Variants in PLD1 observed in about 807,000 individuals in gnomAD.
PLD1 encodes the protein choline phosphatase 1.
A neutral mutation model predicts 137.1 loss-of-function variants in PLD1; 112 were observed. The observed-to-expected ratio is 0.82, with a 90% CI of 0.70 to 0.96. PLD1 has a LOEUF of 0.96. Among genes scored for constraint, PLD1 ranks in the 40% least tolerant of loss-of-function variants. PLD1 has a pLI of 0.00. For missense variants in PLD1, 1,321 were observed against 1,342.0 expected (o/e 0.98, Z 0.24); for synonymous variants, 431 against 454.7 (o/e 0.95, Z 0.66).
chr3:171,757,946 A>G (rs575882804), intron 1 of PLD1, among the ~76,000 whole-genome samples: 2 of 152,314 alleles, frequency 1.3e-5, no homozygotes, highest in Admixed American at 1.3e-4. Flanking sequence ...GAGCATGTGG[A>G]CAGAAAGGGC....
At chr3:171,726,148 AG>A in intron 6 of PLD1, 72 bp from the exon 7 acceptor site, 1 of 962,828 alleles carries the variant, frequency 1.0e-6, no homozygotes, top group Non-Finnish European at 1.7e-6. Flanking sequence ...AACATGTATT[AG>A]GTATAGCTGT....
At chr3:171,688,955 C>CCAGA in intron 13 of PLD1, 79 bp from the exon 14 acceptor site, 1 of 1,021,994 alleles carries the variant, frequency 9.8e-7, no homozygotes, top group Non-Finnish European at 1.5e-6. Flanking sequence ...CTGTGTTCTC[C>CCAGA]CTGAAAAGCA....
chr3:171,638,977 T>C (rs1053003478), intron 23 of PLD1, among the ~76,000 whole-genome samples: 6 of 152,028 alleles, frequency 3.9e-5, no homozygotes, highest in African/African-American at 1.4e-4. Flanking sequence ...CGGTCTGCTC[T>C]TACCCTTTTA....
chr3:171,722,173 G>A (rs1170177693), intron 8 of PLD1, among the ~76,000 whole-genome samples: 1 of 152,194 alleles, frequency 6.6e-6, no homozygotes, highest in East Asian at 1.9e-4. Flanking sequence ...CAAACTTGGG[G>A]GATACAGATA....
At chr3:171,653,969 T>G in intron 21 of PLD1, 1 of 262,882 alleles carries the variant, frequency 3.8e-6, no homozygotes, top group Non-Finnish European at 7.6e-6. Context: ...CCCAATAATT[T>G]CAGATTTCCC....
At chr3:171,663,478 T>G (rs1560193143) in intron 19 of PLD1, among the ~76,000 whole-genome samples, 1 of 152,212 alleles carries the variant, frequency 6.6e-6, no homozygotes, top group Admixed American at 6.5e-5. Context: ...TACCGTGAAA[T>G]GTGTAGCAGG....
In PLD1 at chr3:171,713,908, A is replaced by G. The variant is rs1482012782; in HGVS notation, c.896T>C (p.Ile299Thr). The G allele has an allele frequency of 6.8e-6, 11 of 1,612,540 alleles. No individual in the cohort carries two copies. The highest frequency in any genetic ancestry group is 1.1e-5 in the South Asian group (1 of 90,968). ...KETETKYGIR[I>T]DNLSRTLILK... ...AAATGTGTACCTTGAAAGATTATCA[A>G]TTCGGATTCCATATTTCGTTTCTGT... The change falls in exon 9 of 27, where the codon ATT becomes ACT. Residue 299 changes from isoleucine to threonine, a missense_variant. Coordinates refer to ENST00000351298, the MANE Select transcript of PLD1 (RefSeq NM_002662.5).
At chr3:171,734,644 A>G (rs1270304446) in intron 5 of PLD1, among the ~76,000 whole-genome samples, 1 of 152,060 alleles carries the variant, frequency 6.6e-6, no homozygotes, top group Non-Finnish European at 1.5e-5. Context: ...CATAATGTCA[A>G]GGCCTAACCA....
intron 25 of PLD1, 142 bp from the exon 26 acceptor site, chr3:171,605,558 C>A (rs1732141865): frequency 1.6e-6 from 1 of 622,682 alleles, no homozygotes; most frequent in Admixed American, 2.8e-5. Flanking sequence ...ACTCTCATAT[C>A]CTCAGAGTGC....
intron 11 of PLD1, among the ~76,000 whole-genome samples, chr3:171,706,438 G>A (rs1467210882): frequency 2.8e-5 from 4 of 141,832 alleles, no homozygotes; most frequent in Non-Finnish European, 6.2e-5. Flanking sequence ...ACCTGGAATA[G>A]TCTTTGTTTG....
intron 1 of PLD1, among the ~76,000 whole-genome samples, chr3:171,744,623 C>T (rs1720016016): frequency 6.6e-6 from 1 of 152,186 alleles, no homozygotes; most frequent in Non-Finnish European, 1.5e-5. Context: ...ACTCACTGTG[C>T]CCACAGAATA....
intron 13 of PLD1, among the ~76,000 whole-genome samples, chr3:171,689,415 CTT>C (rs1397965812): frequency 1.3e-5 from 2 of 151,184 alleles, no homozygotes; most frequent in African/African-American, 4.9e-5. Flanking sequence ...TCTGACCTAT[CTT>C]ATTTTCATTT....
At chr3:171,774,358 GCACT>G (rs933864669) in intron 1 of PLD1, among the ~76,000 whole-genome samples, 6 of 152,138 alleles carry the variant, frequency 3.9e-5, no homozygotes, top group African/African-American at 7.2e-5. Context: ...CAGGGAGAGG[GCACT>G]CACTCAGTCT....
chr3:171,723,679 G>C (rs1006859501), intron 8 of PLD1, among the ~76,000 whole-genome samples: 1 of 152,166 alleles, frequency 6.6e-6, no homozygotes, highest in Admixed American at 6.5e-5. Context: ...GGGGTGAGAT[G>C]ATATCTCATT....
At chr3:171,677,863 T>C in intron 16 of PLD1, 169 bp from the exon 17 acceptor site, 2 of 541,062 alleles carry the variant, frequency 3.7e-6, no homozygotes, top group South Asian at 6.6e-5. Context: ...GGTTTTACAG[T>C]CCTTACAAGT....
chr3:171,612,625 T>A lies in PLD1; in HGVS notation c.2729-193A>T, dbSNP rs1172050426. Among the ~76,000 whole-genome samples the A allele has an allele frequency of 6.6e-6, 1 of 152,214 alleles. No individual in the cohort carries two copies. Among genetic ancestry groups the A allele is most frequent in the African/African-American group, 2.4e-5 (1 of 41,448 alleles). On this transcript the variant is annotated intron_variant, in intron 24 of 26. Transcript: ENST00000351298. The surrounding 1 kb of genome is among the most constrained non-coding windows in gnomAD (Gnocchi z 4.1). Reference sequence around the variant, plus strand: ...CTTAATCAGTCTAAGCCAGCCATGGTAATTTCATTATTTTTATTAGTGACT... The same window carrying A: ...CTTAATCAGTCTAAGCCAGCCATGGAAATTTCATTATTTTTATTAGTGACT...
chr3:171,724,211 T>C (rs1268890325), intron 8 of PLD1, among the ~76,000 whole-genome samples: 1 of 152,254 alleles, frequency 6.6e-6, no homozygotes, highest in Non-Finnish European at 1.5e-5. Flanking sequence ...ACTGCCAGAC[T>C]GTTTTCCAAA....
At chr3:171,757,541 G>A (rs1158010196) in intron 1 of PLD1, among the ~76,000 whole-genome samples, 1 of 152,198 alleles carries the variant, frequency 6.6e-6, no homozygotes, top group Non-Finnish European at 1.5e-5. Context: ...AGAGAAACAA[G>A]TTAGCTCATG....
At chr3:171,697,237 CTTTTTTTT>C (rs34340739) in intron 12 of PLD1, among the ~76,000 whole-genome samples, 1 of 97,316 alleles carries the variant, frequency 1.0e-5, no homozygotes, top group African/African-American at 3.9e-5. Flanking sequence ...TTCCGGACAC[CTTTTTTTT>C]TTTTTTTTTT....
Sources: allele counts gnomAD v4.1 joint callset (sites outside exome capture counted in the v4.1 genomes callset), GRCh38; gene constraint gnomAD v4.1.1; non-coding constraint Gnocchi (gnomAD v3.1); transcripts MANE v1.5; gene names NCBI Gene and HGNC (gene_info 2026-07-23, HGNC 2026-07-21).